The following CEP120 variants were observed in gnomAD, a reference collection of about 807,000 sequenced individuals.
The protein encoded by CEP120 is centrosomal protein of 120 kDa.
A neutral mutation model predicts 126.5 loss-of-function variants in CEP120; 113 were observed. The ratio of observed to expected loss-of-function variants is 0.89; its 90% CI spans 0.77 to 1.04. CEP120 has a LOEUF of 1.04. Among genes scored for constraint, CEP120 ranks in the 50% least tolerant of loss-of-function variants. The probability of loss-of-function intolerance (pLI) is 0.00; values close to 1 mark genes in which losing one functional copy is unlikely to be tolerated. For missense variants in CEP120, 1,230 were observed against 1,155.7 expected (o/e 1.06, Z -0.93); for synonymous variants, 400 against 394.3 (o/e 1.01, Z -0.17).
chr5:123,391,375 C>T (rs748474533), intron 6 of CEP120, 38 bp from the exon 7 acceptor site: 7 of 1,377,090 alleles, frequency 5.1e-6, no homozygotes, highest in South Asian at 3.7e-5. Context: ...GGGCTTTATA[C>T]TTTCTCCTTT....
At chr5:123,369,423 C>T (rs1770696031) in intron 17 of CEP120, among the ~76,000 whole-genome samples, 2 of 152,008 alleles carry the variant, frequency 1.3e-5, no homozygotes, top group Non-Finnish European at 2.9e-5. Context: ...CATATTCATA[C>T]TGTTAACTAC....
intron 4 of CEP120, chr5:123,402,201 C>A: frequency 1.3e-6 from 2 of 1,562,050 alleles, no homozygotes; most frequent in Non-Finnish European, 1.8e-6. Flanking sequence ...GCCCAGGCCA[C>A]CCCGAAAGCA....
At chr5:123,346,901 G>T in intron 19 of CEP120, 148 bp from the exon 20 acceptor site, 1 of 573,210 alleles carries the variant, frequency 1.7e-6, no homozygotes, top group Non-Finnish European at 2.9e-6. Context: ...TGTTCCACTT[G>T]GCTAGTCAGA....
chr5:123,393,522 C>G (rs200655928), intron 5 of CEP120, 25 bp from the exon 6 acceptor site: 2 of 1,580,260 alleles, frequency 1.3e-6, no homozygotes, highest in African/African-American at 1.3e-5. Flanking sequence ...AAAAAGAAAA[C>G]AGTTATTACT....
chr5:123,368,134 TCCTTCTGA>T (rs1329978826), intron 17 of CEP120, among the ~76,000 whole-genome samples: 28 of 151,972 alleles, frequency 1.8e-4, no homozygotes, highest in Non-Finnish European at 3.7e-4. Flanking sequence ...ATGATTTCTA[TCCTTCTGA>T]TAAAAGCATA....
rs1423784324 is a variant in CEP120, at chr5:123,382,122, C to G, written c.2092G>C (p.Val698Leu). 6.3e-7 allele frequency: 1 copy of G among 1,599,130 alleles called. No homozygotes were observed. The change falls in exon 14 of 20, where the codon GTA becomes CTA. Residue 698 changes from valine to leucine, a missense_variant. Transcript: ENST00000306467. ...KKRDRERESLVKKKVAEYTIL... is the reference protein window; with the variant it reads ...KKRDRERESLLKKKVAEYTIL... ...ACACAAGTTATTACCTTTTTCTTTACTAGTGATTCTCTTTCTCGGTCCCTT... is the reference window on the plus strand; with the variant it reads ...ACACAAGTTATTACCTTTTTCTTTAGTAGTGATTCTCTTTCTCGGTCCCTT...
In CEP120 at chr5:123,382,126, T is replaced by A. The variant is rs761862745; in HGVS notation, c.2088A>T (p.Ser696=). The A allele has an allele frequency of 6.2e-7, 1 of 1,603,250 alleles. No individual in the cohort carries two copies. The highest frequency in any genetic ancestry group is 8.5e-7 in the Non-Finnish European group (1 of 1,173,268). ...EWKKRDRERE[S]LVKKKVAEYT... is the part of the protein sequence containing the mutation. ...AAGTTATTACCTTTTTCTTTACTAG[T>A]GATTCTCTTTCTCGGTCCCTTTTCT... is the stretch of plus-strand genomic sequence containing the variant. Residue 696 remains serine, a synonymous_variant, in exon 14 of 20, where the codon TCA becomes TCT. Coordinates refer to ENST00000306467, the MANE Select transcript of CEP120 (RefSeq NM_001375405.1).
In CEP120 at chr5:123,377,549, CA is replaced by C; in HGVS notation, c.2197-15del. 1 of 1,567,392 alleles carries C rather than the reference CA, an allele frequency of 6.4e-7. No homozygotes were observed. ...TTCTCTTTGAAGCTTAAAACAAAGG[CA>C]TCTTTAAGAGGTTGGTTTATTGCTA... is the stretch of plus-strand genomic sequence containing the variant. On this transcript the variant is annotated splice_polypyrimidine_tract_variant and intron_variant, in intron 15 of 19. Transcript: ENST00000306467.
intron 9 of CEP120, among the ~76,000 whole-genome samples, chr5:123,387,941 T>A (rs978124153): frequency 6.6e-6 from 1 of 152,022 alleles, no homozygotes; most frequent in African/African-American, 2.4e-5. Flanking sequence ...TTCATAGCTA[T>A]GAAATGGAGG....
intron 18 of CEP120, among the ~76,000 whole-genome samples, chr5:123,352,496 A>G (rs183618851): frequency 3.7e-4 from 56 of 152,110 alleles, no homozygotes; most frequent in African/African-American, 1.3e-3. Flanking sequence ...CACCTGTCAC[A>G]TATCACCTCT....
intron 18 of CEP120, among the ~76,000 whole-genome samples, chr5:123,356,983 C>G (rs1034012135): frequency 6.6e-6 from 1 of 152,070 alleles, no homozygotes; most frequent in South Asian, 2.1e-4. Flanking sequence ...TCAGATTTGC[C>G]ATGACAAATT....
intron 4 of CEP120, chr5:123,403,624 A>G (rs1452625038): frequency 2.8e-6 from 1 of 355,832 alleles, no homozygotes. Context: ...TGAGAGCACT[A>G]ACATACAACA....
chr5:123,401,635 C>T (rs1296666664), intron 4 of CEP120: 2 of 1,435,118 alleles, frequency 1.4e-6, no homozygotes, highest in Non-Finnish European at 2.0e-6. Context: ...AGATCCAGGA[C>T]TGCAGCTCCC....
At chr5:123,393,640 T>G in intron 5 of CEP120, 143 bp from the exon 6 acceptor site, 1 of 670,970 alleles carries the variant, frequency 1.5e-6, no homozygotes, top group South Asian at 2.1e-5. Context: ...TCTGAATTTC[T>G]GCCAAATTAC....
chr5:123,362,975 G>T (rs1396720719), intron 18 of CEP120, among the ~76,000 whole-genome samples: 1 of 151,578 alleles, frequency 6.6e-6, no homozygotes, highest in Non-Finnish European at 1.5e-5. Context: ...TGAAGCTTGA[G>T]CCCTTGGCAT....
intron 5 of CEP120, among the ~76,000 whole-genome samples, chr5:123,397,848 C>G (rs1006668416): frequency 6.6e-6 from 1 of 152,198 alleles, no homozygotes; most frequent in African/African-American, 2.4e-5. Context: ...CCTTGCGAGG[C>G]TGAGGTGGGA....
chr5:123,348,437 A>G (rs6891155), intron 19 of CEP120, among the ~76,000 whole-genome samples: 62,322 of 152,020 alleles, frequency 0.41, 12,823 homozygotes, highest in East Asian at 0.48. Flanking sequence ...TTAATTTGTA[A>G]TATCTTCCAA....
chr5:123,359,540 C>T (rs1255807851), intron 18 of CEP120, among the ~76,000 whole-genome samples: 1 of 151,926 alleles, frequency 6.6e-6, no homozygotes. Context: ...TAAAATATTT[C>T]TATAGTATAT....
chr5:123,349,875 G>A, intron 19 of CEP120, 69 bp downstream of exon 19: 1 of 1,252,688 alleles, frequency 8.0e-7, no homozygotes, highest in Non-Finnish European at 1.1e-6. Context: ...TTATCCTTGG[G>A]AGACCTCAAG....
Sources: allele counts gnomAD v4.1 joint callset (sites outside exome capture counted in the v4.1 genomes callset), GRCh38; gene constraint gnomAD v4.1.1; transcripts MANE v1.5; gene names NCBI Gene and HGNC (gene_info 2026-07-23, HGNC 2026-07-21).